The following JARID2 variants were observed in gnomAD, a reference collection of about 807,000 sequenced individuals.
JARID2 encodes the protein protein Jumonji.
A neutral mutation model predicts 125.6 loss-of-function variants in JARID2; 21 were observed. The ratio of observed to expected loss-of-function variants is 0.17; its 90% confidence interval spans 0.12 to 0.24. JARID2 has a LOEUF of 0.24. Among genes scored for constraint, JARID2 ranks in the 10% least tolerant of loss-of-function variants. The pLI is 1.00. For synonymous variants in JARID2, 736 were observed against 661.6 expected (o/e 1.11, Z -1.73); for missense variants, 1,303 against 1,639.6 (o/e 0.79, Z 3.55).
chr6:15,489,464 C>T (rs941853367), intron 6 of JARID2, among the ~76,000 whole-genome samples: 2 of 152,188 alleles, frequency 1.3e-5, no homozygotes, highest in African/African-American at 4.8e-5. Flanking sequence ...AATAGGGATG[C>T]GTGGGATACG....
At chr6:15,458,179 C>T (rs1037547708) in intron 4 of JARID2, among the ~76,000 whole-genome samples, 7 of 152,182 alleles carry the variant, frequency 4.6e-5, no homozygotes, top group African/African-American at 7.2e-5. Context: ...TGAGTTCTGT[C>T]GTCTCCTCTT....
At chr6:15,329,474 C>T (rs1208112032) in intron 1 of JARID2, among the ~76,000 whole-genome samples, 2 of 152,176 alleles carry the variant, frequency 1.3e-5, no homozygotes, top group Admixed American at 1.3e-4. Flanking sequence ...TGACTCAGGG[C>T]AAGCTCACTG....
intron 1 of JARID2, among the ~76,000 whole-genome samples, chr6:15,348,723 G>A (rs707835): frequency 0.9 from 137,142 of 152,288 alleles, 61,936 homozygotes; most frequent in African/African-American, 0.98. Context: ...AAAGCCCACA[G>A]TCAAGCTTTT....
chr6:15,325,317 C>A (rs1762502617), intron 1 of JARID2, among the ~76,000 whole-genome samples: 1 of 152,158 alleles, frequency 6.6e-6, no homozygotes, highest in South Asian at 2.1e-4. Context: ...TCAGCTTAGC[C>A]TCACTCTCCG....
In JARID2 at chr6:15,462,152, ATTAT is replaced by A. The variant is rs565287480; in HGVS notation, c.494-6386_494-6383del. On this transcript the variant is annotated intron_variant, in intron 4 of 17. Transcript: ENST00000341776. The stretch of plus-strand genomic sequence containing the variant: ...TTTTGTCTTGATACAATGGAGATAA[ATTAT>A]TTAAGACATGAATGCAAGTCACCTT... Among the ~76,000 whole-genome samples the A allele has an allele frequency of 2.1e-3, 313 of 152,316 alleles. 1 individual carries two copies. Among genetic ancestry groups the A allele is most frequent in the Non-Finnish European group, 3.5e-3 (240 of 68,022 alleles).
intron 3 of JARID2, among the ~76,000 whole-genome samples, chr6:15,427,074 T>G (rs537195220): frequency 1.3e-5 from 2 of 152,324 alleles, no homozygotes; most frequent in South Asian, 2.1e-4. Flanking sequence ...TTGTGTTTTA[T>G]GAGTTTGAAA....
chr6:15,391,269 C>T (rs1408387076), intron 2 of JARID2, among the ~76,000 whole-genome samples: 1 of 152,196 alleles, frequency 6.6e-6, no homozygotes, highest in Non-Finnish European at 1.5e-5. Flanking sequence ...TTTTCCCCAG[C>T]AAGGCATCCT....
intron 1 of JARID2, among the ~76,000 whole-genome samples, chr6:15,356,390 TTCTTCATCTTCACCAACG>T (rs1763601150): frequency 6.6e-6 from 1 of 152,224 alleles, no homozygotes; most frequent in African/African-American, 2.4e-5. Flanking sequence ...GGTTTCCCGT[TTCTTCATCTTCACCAACG>T]TCTGCTGTTT....
intron 1 of JARID2, among the ~76,000 whole-genome samples, chr6:15,275,151 C>T (rs892861423): frequency 1.5e-4 from 23 of 152,118 alleles, no homozygotes; most frequent in Non-Finnish European, 1.6e-4. Context: ...TTGATCTCTC[C>T]TTGCAAAATG....
intron 12 of JARID2, chr6:15,508,916 C>G (rs1771135824): frequency 1.6e-6 from 2 of 1,262,532 alleles, no homozygotes; most frequent in Non-Finnish European, 2.1e-6. Flanking sequence ...CATCAGCCCT[C>G]TAGTAACTGA....
rs1306398138 is a variant in JARID2 at position 15,288,333 on chromosome 6, CA to C, written c.45+41751del. ...GTTGGAGAAAAGGGGAGATGCCACA[CA>C]ATTTTTAAACACCCAGATATCACAA... On this transcript the variant is annotated intron_variant, in intron 1 of 17. Transcript: ENST00000341776. Among the ~76,000 whole-genome samples, 94 of 152,046 alleles carry C rather than the reference CA, an allele frequency of 6.2e-4. 2 individuals carry two copies. The highest frequency in any genetic ancestry group is 3.1e-4 in the Non-Finnish European group (21 of 68,002).
At chr6:15,472,562 T>G (rs1218417425) in intron 5 of JARID2, among the ~76,000 whole-genome samples, 1 of 151,970 alleles carries the variant, frequency 6.6e-6, no homozygotes, top group African/African-American at 2.4e-5. Context: ...TGTGAATGGG[T>G]TTTCTTTGAT....
At chr6:15,465,175 C>T (rs537716457) in intron 4 of JARID2, among the ~76,000 whole-genome samples, 94 of 152,204 alleles carry the variant, frequency 6.2e-4, no homozygotes, top group African/African-American at 2.1e-3. Context: ...GTCTATGGGC[C>T]GGGCATGGTG....
Position 15,339,414 on chromosome 6 carries a change from C to T in JARID2, c.46-34703C>T, listed in dbSNP as rs1013705142. ...GGGACCAGAAATTACATTAGAGGAC[C>T]TCTGGAAAGTGGCTACCTCAGTCTC... is the stretch of plus-strand genomic sequence containing the variant. On this transcript the variant is annotated intron_variant, in intron 1 of 17. Coordinates refer to ENST00000341776, the MANE Select transcript of JARID2 (RefSeq NM_004973.4). 2.6e-5 allele frequency among the ~76,000 whole-genome samples: 4 copies of T among 152,118 alleles called. No individual in the cohort carries two copies. In the East Asian group the frequency reaches 7.7e-4, roughly 29 times the overall value.
At chr6:15,459,690 T>A (rs1768354852) in intron 4 of JARID2, among the ~76,000 whole-genome samples, 1 of 152,224 alleles carries the variant, frequency 6.6e-6, no homozygotes, top group Admixed American at 6.5e-5. Flanking sequence ...CCTGTGGTGT[T>A]TTTTCTAAAG....
chr6:15,307,326 G>A (rs939274367), intron 1 of JARID2, among the ~76,000 whole-genome samples: 4 of 151,874 alleles, frequency 2.6e-5, no homozygotes, highest in Non-Finnish European at 5.9e-5. Flanking sequence ...GGATTCAGGT[G>A]ATTCTCCTGC....
rs2127765268 is a variant in JARID2, at chr6:15,512,365, C to T, written c.3110C>T (p.Thr1037Ile). Residue 1037 changes from threonine (T) to isoleucine (I), a missense_variant, in exon 14 of 18, where the codon ACA becomes ATA. Around this residue, in one of 11 missense-constraint regions of JARID2, gnomAD observed 190 missense variants for 341.4 expected, o/e 0.56. Transcript: ENST00000341776. ...GTGCACTTTGCTACCACCCAGTGGA[C>T]AAGTATGGGCTTTGAGACCGCCAAG... ...ETVHFATTQWTSMGFETAKEM... is the reference protein window; with the variant it reads ...ETVHFATTQWISMGFETAKEM... 6.2e-7 allele frequency: 1 copy of T among 1,614,196 alleles called. No individual in the cohort carries two copies. The highest frequency in any genetic ancestry group is 2.2e-5 in the East Asian group (1 of 44,878).
intron 3 of JARID2, among the ~76,000 whole-genome samples, chr6:15,418,437 A>G (rs1168758327): frequency 2.0e-5 from 3 of 152,068 alleles, no homozygotes; most frequent in African/African-American, 4.8e-5. Context: ...GATGGTCTCT[A>G]TCTCCTAACC....
intron 1 of JARID2, among the ~76,000 whole-genome samples, chr6:15,280,652 G>A (rs1469592753): frequency 7.0e-6 from 1 of 142,120 alleles, no homozygotes; most frequent in African/African-American, 2.7e-5. Flanking sequence ...TTTTTGAGAT[G>A]GAGTCTCGCT....
Sources: gnomAD v4.1 joint callset for allele counts (sites outside exome capture counted in the v4.1 genomes callset) on GRCh38, gnomAD v4.1.1 for gene constraint, gnomAD v4.1.1 regional missense constraint, MANE v1.5 for transcripts, NCBI Gene and HGNC (gene_info 2026-07-23, HGNC 2026-07-21) for gene names.